Variants in WDR49 observed in about 807,000 individuals in gnomAD.
WDR49 encodes the protein WD repeat domain 49.
WDR49 carries 107 observed loss-of-function variants against 119.5 expected under a neutral mutation model. The ratio of observed to expected loss-of-function variants is 0.90; its 90% CI spans 0.77 to 1.05. WDR49 has a LOEUF of 1.05. Ranked by LOEUF, WDR49 falls within the 50% of genes least tolerant of loss-of-function variation. The pLI is 0.00. For synonymous variants in WDR49, 425 were observed against 418.8 expected, an observed-to-expected ratio of 1.01 and a Z score of -0.18; for missense variants, 1,240 against 1,220.5, an observed-to-expected ratio of 1.02 and a Z score of -0.24.
At chr3:167,499,858 T>C (rs1309326034) in intron 18 of WDR49, among the ~76,000 whole-genome samples, 3 of 152,170 alleles carry the variant, frequency 2.0e-5, no homozygotes, top group African/African-American at 7.2e-5. Context: ...ATTAAGGTTA[T>C]TTGGGGAGAG....
At chr3:167,566,071 AT>A (rs1408304637) in intron 8 of WDR49, among the ~76,000 whole-genome samples, 1 of 152,158 alleles carries the variant, frequency 6.6e-6, no homozygotes, top group Non-Finnish European at 1.5e-5. Context: ...CAATTCTCTT[AT>A]TCTAAAAATC....
chr3:167,537,682 T>C (rs1711542565), intron 10 of WDR49, among the ~76,000 whole-genome samples: 1 of 152,136 alleles, frequency 6.6e-6, no homozygotes, highest in African/African-American at 2.4e-5. Context: ...TGAAATGCCT[T>C]GTGCCTGGTG....
intron 10 of WDR49, among the ~76,000 whole-genome samples, chr3:167,546,241 A>C (rs4359809): frequency 0.26 from 40,162 of 151,788 alleles, 5,544 homozygotes; most frequent in South Asian, 0.31. Context: ...CTTTCTTATA[A>C]CATGACATAA....
chr3:167,561,792 T>C (rs983172826), intron 8 of WDR49, among the ~76,000 whole-genome samples: 4 of 152,082 alleles, frequency 2.6e-5, no homozygotes, highest in Non-Finnish European at 4.4e-5. Context: ...AACGACAAAA[T>C]TGAGTTTGTA....
At chr3:167,529,277 C>T in intron 13 of WDR49, 38 bp from the exon 14 acceptor site, 2 of 1,496,734 alleles carry the variant, frequency 1.3e-6, no homozygotes, top group Non-Finnish European at 1.8e-6. Context: ...GAAAACTGAA[C>T]AACAAATGCC....
intron 11 of WDR49, among the ~76,000 whole-genome samples, chr3:167,535,929 CA>C (rs1457427167): frequency 6.6e-6 from 1 of 152,104 alleles, no homozygotes; most frequent in African/African-American, 2.4e-5. Flanking sequence ...TTGTCATTTG[CA>C]GCAACATGAA....
chr3:167,509,526 T>C (rs772947317), intron 16 of WDR49, among the ~76,000 whole-genome samples: 8 of 152,206 alleles, frequency 5.3e-5, no homozygotes, highest in Non-Finnish European at 1.5e-5. Context: ...TAAGATATCA[T>C]AGCGACAGTT....
chr3:167,639,675 A>G (rs1198355534), intron 2 of WDR49, among the ~76,000 whole-genome samples: 1 of 151,832 alleles, frequency 6.6e-6, no homozygotes. Flanking sequence ...AAAAAGTCAG[A>G]AAGACTCTAA....
rs111898658 is a variant in WDR49 at position 167,522,283 on chromosome 3, T to C, written c.2774+32A>G. On this transcript the variant is annotated intron_variant, in intron 16 of 18. Coordinates refer to ENST00000682715, the MANE Select transcript of WDR49 (RefSeq NM_001366157.1). The stretch of plus-strand genomic sequence containing the variant: ...TATCTATGTCTTATCTAGACTTCAG[T>C]TGACATCTGGCTAATGTTCAAAATT... The C allele has an allele frequency of 9.1e-4, 1,402 of 1,543,174 alleles. 15 individuals are homozygous for C. In the African/African-American group the frequency reaches 0.016, roughly 18 times the overall value.
intron 18 of WDR49, among the ~76,000 whole-genome samples, chr3:167,492,392 A>T (rs549546296): frequency 6.6e-6 from 1 of 152,250 alleles, no homozygotes; most frequent in South Asian, 2.1e-4. Flanking sequence ...CAGCATTCCC[A>T]TCTAGGCTCT....
chr3:167,487,515 A>T (rs181139118), intron 18 of WDR49, among the ~76,000 whole-genome samples: 1 of 152,168 alleles, frequency 6.6e-6, no homozygotes, highest in Non-Finnish European at 1.5e-5. Context: ...TAACAAGAAC[A>T]AAAGTTGATA....
Position 167,627,023 on chromosome 3 carries a change from T to A in WDR49, c.435A>T (p.Lys145Asn). Residue 145 changes from lysine to asparagine, a missense_variant, in exon 3 of 19, where the codon AAA becomes AAT. Physicochemically the swap from Lys to Asn is moderately conservative, Grantham distance 94. Transcript: ENST00000682715. The part of the protein sequence containing the change: ...LPVKHKDTIQ[K>N]VIFLKNSSHY... ...GACTTGAATTTTTTAAGAAAATTACTTTTTGAATGGTGTCCTTGTGTTTTA... is the reference window on the plus strand; with the variant it reads ...GACTTGAATTTTTTAAGAAAATTACATTTTGAATGGTGTCCTTGTGTTTTA... 1 of 1,332,400 alleles carries A rather than the reference T, an allele frequency of 7.5e-7. No individual in the cohort carries two copies. Among genetic ancestry groups the A allele is most frequent in the Non-Finnish European group, 9.6e-7 (1 of 1,042,938 alleles). 82.5% of individuals were successfully genotyped at this position (1,332,400 alleles called of 1,614,324 possible). A position where few individuals can be genotyped will look rare whatever the true frequency, so the allele number is the denominator to read the frequency against.
At chr3:167,565,380 TAC>T (rs112641739) in intron 8 of WDR49, among the ~76,000 whole-genome samples, 2,488 of 128,976 alleles carry the variant, frequency 0.019, 55 homozygotes, top group African/African-American at 0.051. Flanking sequence ...CATATCTATC[TAC>T]ACACACACAC....
Position 167,620,418 on chromosome 3 carries a change from A to G in WDR49, c.958+11T>C, listed in dbSNP as rs142626253. 19 of 1,532,728 alleles carry G rather than the reference A, an allele frequency of 1.2e-5. No homozygotes were observed. In the Middle Eastern group the frequency reaches 5.0e-4, roughly 41 times the overall value. 94.9% of individuals were successfully genotyped at this position (1,532,728 alleles called of 1,614,324 possible). On this transcript the variant is annotated intron_variant, in intron 5 of 18. Transcript: ENST00000682715. ...TGACCATTTACTTTCATTACTGTTC[A>G]AATTCAATACCTTGCCTGACCCAAT...
intron 10 of WDR49, among the ~76,000 whole-genome samples, chr3:167,552,099 G>A (rs1222390153): frequency 7.9e-5 from 12 of 152,146 alleles, no homozygotes; most frequent in Admixed American, 7.9e-4. Context: ...AACACCCTAA[G>A]CAAGCTGCTA....
chr3:167,652,759 T>G (rs1718446623), intron 2 of WDR49, among the ~76,000 whole-genome samples: 1 of 152,204 alleles, frequency 6.6e-6, no homozygotes, highest in African/African-American at 2.4e-5. Context: ...ATAAGGGATC[T>G]TGGGACAACA....
At chr3:167,635,144 A>G (rs779889019) in intron 2 of WDR49, among the ~76,000 whole-genome samples, 22 of 151,816 alleles carry the variant, frequency 1.4e-4, no homozygotes, top group Non-Finnish European at 2.8e-4. Context: ...ATATTCCTAC[A>G]TACACATCAT....
intron 10 of WDR49, among the ~76,000 whole-genome samples, chr3:167,551,519 A>G (rs1236372440): frequency 2.0e-5 from 3 of 152,000 alleles, no homozygotes; most frequent in African/African-American, 4.8e-5. Flanking sequence ...CTCCATTTGC[A>G]ATTAGTCCTA....
At position 167,519,358 on chromosome 3, in the gene WDR49, T is replaced by C. The variant is rs148555015; in HGVS notation, c.2774+2957A>G. 6.9e-3 allele frequency among the ~76,000 whole-genome samples: 1,047 copies of C among 152,282 alleles called. 14 individuals are homozygous for C. Among genetic ancestry groups the C allele is most frequent in the African/African-American group, 0.024 (992 of 41,560 alleles). On this transcript the variant is annotated intron_variant, in intron 16 of 18. Transcript: ENST00000682715. ...CACACATACGTTCATTACAGCACTA[T>C]TCACAATAGCCAATAAATGGAATCA...
Sources: gnomAD v4.1 joint callset for allele counts (sites outside exome capture counted in the v4.1 genomes callset) on GRCh38, gnomAD v4.1.1 for gene constraint, MANE v1.5 for transcripts, NCBI Gene and HGNC (gene_info 2026-07-23, HGNC 2026-07-21) for gene names.